The following MEF2C variants were observed in gnomAD, a reference collection of about 807,000 sequenced individuals.
The protein encoded by MEF2C is myocyte enhancer factor 2C.
Under a neutral mutation model 50.5 loss-of-function variants are expected in MEF2C, and 6 were observed. That is an observed-to-expected ratio of 0.12 (90% CI 0.07 to 0.23). MEF2C has a LOEUF of 0.23. MEF2C is among the 10% of genes least tolerant of loss of function. MEF2C has a pLI of 1.00. For synonymous variants in MEF2C, 183 were observed against 228.0 expected (o/e 0.80, Z 1.78); for missense variants, 276 against 605.0 (o/e 0.46, Z 5.70).
intron 6 of MEF2C, chr5:88,735,699 A>G (rs947271763): frequency 1.0e-6 from 1 of 985,306 alleles, no homozygotes; most frequent in African/African-American, 1.7e-5. Context: ...TTAGGAGAAA[A>G]ACATTTTTCT....
intron 1 of MEF2C, among the ~76,000 whole-genome samples, chr5:88,828,418 A>G (rs1227599807): frequency 6.6e-6 from 1 of 152,016 alleles, no homozygotes; most frequent in African/African-American, 2.4e-5. Context: ...TCTTTGATTC[A>G]TATTAGCAGA....
At chr5:88,880,243 A>G (rs112425731) in intron 1 of MEF2C, among the ~76,000 whole-genome samples, 53 of 152,170 alleles carry the variant, frequency 3.5e-4, no homozygotes, top group African/African-American at 1.2e-3. Flanking sequence ...ATTTTCTCAG[A>G]GGATGTGCTT....
chr5:88,767,998 G>C (rs956429131), intron 3 of MEF2C, among the ~76,000 whole-genome samples: 14 of 152,162 alleles, frequency 9.2e-5, no homozygotes, highest in Admixed American at 6.5e-5. Flanking sequence ...CCCTTCTCAA[G>C]CTGGGCTCTC....
chr5:88,897,341 C>T (rs528684508), intron 1 of MEF2C, among the ~76,000 whole-genome samples: 74 of 152,278 alleles, frequency 4.9e-4, no homozygotes, highest in African/African-American at 1.6e-3. Flanking sequence ...AGCCTACGGC[C>T]GCAAAATAAA....
chr5:88,894,978 G>T (rs1278874921), intron 1 of MEF2C, among the ~76,000 whole-genome samples: 1 of 152,056 alleles, frequency 6.6e-6, no homozygotes. Flanking sequence ...TGGGGAAGGT[G>T]GCAGGAACTA....
At chr5:88,796,809 T>C (rs1424123769) in intron 3 of MEF2C, among the ~76,000 whole-genome samples, 1 of 152,226 alleles carries the variant, frequency 6.6e-6, no homozygotes, top group Admixed American at 6.5e-5. Context: ...GTCTCTGAGA[T>C]TCTGGTACAC....
upstream of MEF2C, chr5:88,883,255 G>GC (rs1833526923): frequency 6.8e-6 from 1 of 146,332 alleles, no homozygotes; most frequent in African/African-American, 2.6e-5. Flanking sequence ...CGCGCGCGAG[G>GC]GGGGGGGCGC....
rs1782296852 is a variant in MEF2C, at chr5:88,771,289, T to G, written c.259-9961A>C. ...ATTTCATGTCATTTGGCAAGTCAGC[T>G]CAATCCTTTAGAAACACTGCTTTGA... On this transcript the variant is annotated intron_variant, in intron 3 of 10. Transcript: ENST00000504921. 7 of 445,810 alleles carry G rather than the reference T, an allele frequency of 1.6e-5. No homozygotes were observed. In the South Asian group the frequency reaches 6.7e-4, roughly 42 times the overall value. The allele number at this position is 445,810 out of a possible 1,614,324, so 27.6% of individuals were successfully genotyped here. A position where few individuals can be genotyped will look rare whatever the true frequency, so the allele number is the denominator to read the frequency against.
chr5:88,898,278 A>G (rs1414277328), intron 1 of MEF2C, among the ~76,000 whole-genome samples: 2 of 152,158 alleles, frequency 1.3e-5, no homozygotes, highest in Admixed American at 6.6e-5. Context: ...CAATATGGAA[A>G]CCTAATTATC....
At chr5:88,784,855 T>C (rs1000293675) in intron 3 of MEF2C, among the ~76,000 whole-genome samples, 1 of 152,158 alleles carries the variant, frequency 6.6e-6, no homozygotes, top group Admixed American at 6.6e-5. Flanking sequence ...GCAGTAAAGA[T>C]ACAATATGGG....
At chr5:88,753,263 A>T (rs1416522630) in intron 4 of MEF2C, among the ~76,000 whole-genome samples, 1 of 152,154 alleles carries the variant, frequency 6.6e-6, no homozygotes, top group African/African-American at 2.4e-5. Context: ...CCTTATTATT[A>T]ATTTCCCATT....
chr5:88,823,714 A>C, intron 2 of MEF2C, 21 bp downstream of exon 2: 2 of 1,587,144 alleles, frequency 1.3e-6, no homozygotes, highest in Non-Finnish European at 1.7e-6. Flanking sequence ...TAATGATACA[A>C]AAAAAGTTTA....
chr5:88,746,552 T>C (rs1459003389), intron 6 of MEF2C: 12 of 985,320 alleles, frequency 1.2e-5, no homozygotes, highest in African/African-American at 1.7e-5. Context: ...TTTCAAACTT[T>C]ATCTGAAACC....
At chr5:88,733,566 C>A in intron 6 of MEF2C, 1 of 985,228 alleles carries the variant, frequency 1.0e-6, no homozygotes, top group Non-Finnish European at 1.2e-6. Flanking sequence ...ACTGGGAAGG[C>A]AGAGCAAAGG....
Position 88,751,911 on chromosome 5 carries a change from T to C in MEF2C, c.535A>G (p.Arg179Gly). 1 of 1,613,994 alleles carries C rather than the reference T, an allele frequency of 6.2e-7. No individual in the cohort carries two copies. The highest frequency in any genetic ancestry group is 8.5e-7 in the Non-Finnish European group (1 of 1,179,872). Residue 179 changes from arginine (R) to glycine (G), a missense_variant, in exon 5 of 11, where the codon AGG becomes GGG. Arg to Gly is a moderately radical substitution (Grantham distance 125). Coordinates refer to ENST00000504921, the MANE Select transcript of MEF2C (RefSeq NM_002397.5). ...LLPLAHPSLQ[R>G]NSMSPGVTHR... ...GTTACACCAGGAGACATACTATTCC[T>C]CTGCAGAGAAGGGTGAGCCAGTGGC... is the stretch of plus-strand genomic sequence containing the variant.
At chr5:88,813,872 C>A (rs751983116) in intron 2 of MEF2C, among the ~76,000 whole-genome samples, 29 of 152,092 alleles carry the variant, frequency 1.9e-4, no homozygotes, top group African/African-American at 5.5e-4. Flanking sequence ...GAGGTTTGAT[C>A]ATTTTTTTTC....
At chr5:88,758,705 A>G (rs1249325209) in intron 4 of MEF2C, among the ~76,000 whole-genome samples, 3 of 152,288 alleles carry the variant, frequency 2.0e-5, no homozygotes, top group Admixed American at 6.5e-5. Context: ...TGGGCTTTTC[A>G]TCGTGAAGAC....
rs187228744 is a variant in MEF2C, at chr5:88,901,777, T to C, written c.-240+2139A>G. Among the ~76,000 whole-genome samples the C allele has an allele frequency of 8.5e-3, 1,300 of 152,102 alleles. 9 individuals carry two copies. The highest frequency in any genetic ancestry group is 0.014 in the Non-Finnish European group (950 of 67,874). ...AGAAAGGACAAACATAGCTGCATGG[T>C]GGACAAGAATTTACAGCCTCTCATA... On this transcript the variant is annotated intron_variant, in intron 1 of 11. Coordinates refer to the MEF2C transcript ENST00000340208.
chr5:88,749,587 T>G (rs1388668543), intron 5 of MEF2C: 4 of 752,722 alleles, frequency 5.3e-6, no homozygotes, highest in Non-Finnish European at 6.5e-6. Context: ...TAAAATCTTA[T>G]TGACTGACAC....
Sources: allele counts gnomAD v4.1 joint callset (sites outside exome capture counted in the v4.1 genomes callset), GRCh38; gene constraint gnomAD v4.1.1; transcripts MANE v1.5; gene names NCBI Gene and HGNC (gene_info 2026-07-23, HGNC 2026-07-21).